The following SHISA9 variants were observed in gnomAD, a reference collection of about 807,000 sequenced individuals.
The protein encoded by SHISA9 is shisa family member 9.
A neutral mutation model predicts 38.0 loss-of-function variants in SHISA9; 13 were observed. The observed-to-expected ratio is 0.34, with a 90% CI of 0.22 to 0.54. SHISA9 has a LOEUF of 0.54. SHISA9 is among the 20% of genes least tolerant of loss of function. SHISA9 has a pLI of 0.91. For synonymous variants in SHISA9, 275 were observed against 242.0 expected (o/e 1.14, Z -1.27); for missense variants, 538 against 575.8 (o/e 0.93, Z 0.67).
the SHISA9 span, among the ~76,000 whole-genome samples, chr16:13,286,482 C>T: frequency 6.6e-6 from 1 of 151,956 alleles, no homozygotes; most frequent in Non-Finnish European, 1.5e-5. Flanking sequence ...GTCAAGAGCC[C>T]GCATAAAACA....
chr16:13,234,431 A>T (rs2051360975), intron 4 of SHISA9, among the ~76,000 whole-genome samples: 1 of 152,234 alleles, frequency 6.6e-6, no homozygotes, highest in Admixed American at 6.5e-5. Context: ...GATGCTGACA[A>T]ATGTTAAGTA....
At chr16:13,418,366 G>A in the SHISA9 span, among the ~76,000 whole-genome samples, 1 of 152,168 alleles carries the variant, frequency 6.6e-6, no homozygotes, top group African/African-American at 2.4e-5. Flanking sequence ...GGGTAATGAA[G>A]GCTGGAGATG....
At chr16:13,556,471 T>G in the SHISA9 span, among the ~76,000 whole-genome samples, 1 of 151,980 alleles carries the variant, frequency 6.6e-6, no homozygotes, top group African/African-American at 2.4e-5. Context: ...CCATCCTGGC[T>G]AACATGGTGA....
intron 2 of SHISA9, among the ~76,000 whole-genome samples, chr16:13,185,563 GC>G (rs894838454): frequency 2.5e-4 from 38 of 152,144 alleles, no homozygotes; most frequent in African/African-American, 8.9e-4. Flanking sequence ...TTACAAAAAG[GC>G]AAGCCCCAAT....
At chr16:13,404,050 C>T in the SHISA9 span, among the ~76,000 whole-genome samples, 2 of 152,122 alleles carry the variant, frequency 1.3e-5, no homozygotes, top group Non-Finnish European at 2.9e-5. Flanking sequence ...AATCGTGATT[C>T]GAACTCAGGC....
chr16:13,071,714 T>G (rs1214018257), intron 2 of SHISA9, among the ~76,000 whole-genome samples: 1 of 152,028 alleles, frequency 6.6e-6, no homozygotes, highest in Non-Finnish European at 1.5e-5. Context: ...CTCAGGTTAC[T>G]GCAACCTCCA....
chr16:12,932,165 T>C (rs921865321), intron 2 of SHISA9, among the ~76,000 whole-genome samples: 3 of 152,170 alleles, frequency 2.0e-5, no homozygotes, highest in African/African-American at 7.2e-5. Flanking sequence ...CCATTAAGCC[T>C]TTTTTTCTTT....
At chr16:13,001,748 G>A (rs1321896181) in intron 2 of SHISA9, among the ~76,000 whole-genome samples, 1 of 152,150 alleles carries the variant, frequency 6.6e-6, no homozygotes, top group African/African-American at 2.4e-5. Flanking sequence ...ATGTAAACAG[G>A]TATTGAACTC....
the SHISA9 span, among the ~76,000 whole-genome samples, chr16:13,338,169 A>G: frequency 6.6e-6 from 1 of 152,310 alleles, no homozygotes; most frequent in East Asian, 1.9e-4. Context: ...CCAGCACAGA[A>G]GAAACAGAGC....
intron 2 of SHISA9, among the ~76,000 whole-genome samples, chr16:13,004,961 A>AG (rs2072579299): frequency 9.5e-6 from 1 of 105,124 alleles, no homozygotes; most frequent in African/African-American, 3.9e-5. Context: ...AAAAAAAAGA[A>AG]AAAAAGAAAG....
chr16:12,909,403 A>C (rs1035986221), intron 1 of SHISA9: 3 of 985,450 alleles, frequency 3.0e-6, no homozygotes, highest in Non-Finnish European at 3.6e-6. Context: ...ACTCTATTCA[A>C]GTGTTTAAAA....
At chr16:13,176,398 T>C (rs1173957704) in intron 2 of SHISA9, among the ~76,000 whole-genome samples, 3 of 152,242 alleles carry the variant, frequency 2.0e-5, no homozygotes, top group Non-Finnish European at 4.4e-5. Context: ...ACACCACGCC[T>C]ACTTCTCTAC....
intron 2 of SHISA9, among the ~76,000 whole-genome samples, chr16:13,143,461 C>T: frequency 6.6e-6 from 1 of 152,154 alleles, no homozygotes; most frequent in African/African-American, 2.4e-5. Context: ...ATTTGAATTT[C>T]ACATGAGGCA....
intron 2 of SHISA9, among the ~76,000 whole-genome samples, chr16:12,924,624 C>T (rs2141732391): frequency 6.6e-6 from 1 of 152,148 alleles, no homozygotes; most frequent in Non-Finnish European, 1.5e-5. Context: ...TGAGGGGATG[C>T]TCTACACTAG....
chr16:13,225,900 C>G (rs766345359), intron 4 of SHISA9, among the ~76,000 whole-genome samples: 1 of 152,192 alleles, frequency 6.6e-6, no homozygotes, highest in Non-Finnish European at 1.5e-5. Context: ...AGGAAAGCAC[C>G]TTTTCCTTTC....
chr16:13,515,824 A>G, the SHISA9 span, among the ~76,000 whole-genome samples: 1 of 152,228 alleles, frequency 6.6e-6, no homozygotes, highest in Non-Finnish European at 1.5e-5. Flanking sequence ...AAACAATTTG[A>G]GAAAAATCCA....
chr16:13,207,541 C>T (rs1476044562), intron 3 of SHISA9, among the ~76,000 whole-genome samples: 6 of 152,054 alleles, frequency 3.9e-5, no homozygotes, highest in Admixed American at 1.3e-4. Flanking sequence ...AAGCATCCCA[C>T]GTGGGACACC....
the SHISA9 span, among the ~76,000 whole-genome samples, chr16:13,303,151 G>C: frequency 1.3e-5 from 2 of 152,136 alleles, no homozygotes; most frequent in African/African-American, 4.8e-5. Context: ...TTTTCTCCAT[G>C]TGTAAAAAGG....
At chr16:13,205,976 G>C (rs2051059983) in intron 3 of SHISA9, among the ~76,000 whole-genome samples, 1 of 150,490 alleles carries the variant, frequency 6.6e-6, no homozygotes, top group South Asian at 2.1e-4. Flanking sequence ...ATGTTGCTCA[G>C]CTGGTCTCGA....
Sources: allele counts gnomAD v4.1 joint callset (sites outside exome capture counted in the v4.1 genomes callset), GRCh38; gene constraint gnomAD v4.1.1; transcripts MANE v1.5; gene names NCBI Gene and HGNC (gene_info 2026-07-23, HGNC 2026-07-21).